The following MINDY2 variants were observed in gnomAD, a reference collection of about 807,000 sequenced individuals.
MINDY2 encodes ubiquitin carboxyl-terminal hydrolase MINDY-2.
MINDY2 carries 52 observed loss-of-function variants against 68.2 expected under a neutral mutation model. That is an observed-to-expected ratio of 0.76 (90% CI 0.61 to 0.96). The LOEUF is 0.96. Among genes scored for constraint, MINDY2 ranks in the 40% least tolerant of loss-of-function variants. The probability of loss-of-function intolerance (pLI) is 0.00; values close to 1 mark genes in which losing one functional copy is unlikely to be tolerated. For synonymous variants in MINDY2, 372 were observed against 303.0 expected (o/e 1.23, Z -2.36); for missense variants, 881 against 773.4 (o/e 1.14, Z -1.65).
In MINDY2 at chr15:58,804,167, G is replaced by T. The variant is rs1025119877; in HGVS notation, c.963+1790G>T. Among the ~76,000 whole-genome samples, 11 of 151,936 alleles carry T rather than the reference G, an allele frequency of 7.2e-5. No individual in the cohort carries two copies. In the East Asian group the frequency reaches 2.1e-3, roughly 29 times the overall value. On this transcript the variant is annotated intron_variant, in intron 3 of 8. Coordinates refer to ENST00000559228, the MANE Select transcript of MINDY2 (RefSeq NM_001040450.3). ...GAAAGGAAATCTGTAGCTAAAGCCA[G>T]ATTTGTATTCTAAGTGATTTAAATT...
chr15:58,820,265 A>AAAAC (rs533263549), intron 4 of MINDY2, among the ~76,000 whole-genome samples: 16 of 151,240 alleles, frequency 1.1e-4, no homozygotes, highest in South Asian at 6.3e-4. Flanking sequence ...ATTCCATCTC[A>AAAAC]AAACAAACAA....
At chr15:58,831,662 T>C (rs2031733221) in intron 5 of MINDY2, 112 bp from the exon 6 acceptor site, 1 of 877,324 alleles carries the variant, frequency 1.1e-6, no homozygotes, top group African/African-American at 1.7e-5. Context: ...GTAGGGAAAG[T>C]ATTATAATTA....
chr15:58,815,947 G>A (rs1464573264), intron 4 of MINDY2, among the ~76,000 whole-genome samples: 1 of 152,110 alleles, frequency 6.6e-6, no homozygotes, highest in African/African-American at 2.4e-5. Flanking sequence ...CAAAGTGCTG[G>A]GATTACAGGC....
rs199705219 is a variant in MINDY2 at position 58,851,819 on chromosome 15, A to C, written c.1591A>C (p.Ile531Leu). Residue 531 changes from isoleucine (I) to leucine (L), a missense_variant, in exon 8 of 9, where the codon ATC (isoleucine) becomes CTC (leucine). Physicochemically the swap from Ile to Leu is conservative, Grantham distance 5. Coordinates refer to ENST00000559228, the MANE Select transcript of MINDY2 (RefSeq NM_001040450.3). The stretch of plus-strand genomic sequence containing the variant: ...ACAACAAGAACAGCAGAGCCAAGAG[A>C]TCAATTGGGAACAAATCCCGGAAGG... ...SLQQEQQSQE[I>L]NWEQIPEGIS... 2.7e-4 allele frequency: 428 copies of C among 1,610,016 alleles called. 1 individual carries two copies. Among genetic ancestry groups the C allele is most frequent in the Non-Finnish European group, 3.3e-4 (394 of 1,178,998 alleles).
intron 5 of MINDY2, among the ~76,000 whole-genome samples, chr15:58,829,435 G>A (rs758397304): frequency 6.6e-6 from 1 of 152,006 alleles, no homozygotes; most frequent in Non-Finnish European, 1.5e-5. Flanking sequence ...GATGTCCTTG[G>A]GCAAGTCACT....
In MINDY2 at chr15:58,771,689, C is replaced by G. The variant is rs1340372857; in HGVS notation, c.294C>G (p.Ala98=). The change falls in exon 1 of 9, where the codon GCC becomes GCG. Residue 98 remains alanine (A), a synonymous_variant. Coordinates refer to ENST00000559228, the MANE Select transcript of MINDY2 (RefSeq NM_001040450.3). ...KDSGLESPAA[A]EAPLRGQYKV... ...GTGGTTTGGAGAGTCCTGCTGCCGC[C>G]GAGGCGCCTCTGAGAGGGCAGTACA... is the stretch of plus-strand genomic sequence containing the variant. The G allele has an allele frequency of 6.2e-7, 1 of 1,612,432 alleles. No homozygotes were observed. Among genetic ancestry groups the G allele is most frequent in the Non-Finnish European group, 8.5e-7 (1 of 1,179,846 alleles).
chr15:58,813,143 T>G (rs2030416448), intron 4 of MINDY2, among the ~76,000 whole-genome samples: 1 of 152,228 alleles, frequency 6.6e-6, no homozygotes, highest in African/African-American at 2.4e-5. Flanking sequence ...CTCCTGTTCA[T>G]TACTGAGTAG....
intron 6 of MINDY2, among the ~76,000 whole-genome samples, chr15:58,833,954 A>G (rs2031870874): frequency 6.6e-6 from 1 of 152,120 alleles, no homozygotes; most frequent in Non-Finnish European, 1.5e-5. Context: ...CATGGGGAGA[A>G]ACTTTGGACA....
intron 4 of MINDY2, among the ~76,000 whole-genome samples, chr15:58,814,768 G>A (rs1270180989): frequency 6.7e-6 from 1 of 148,430 alleles, no homozygotes; most frequent in Non-Finnish European, 1.5e-5. Flanking sequence ...TCAGATATAT[G>A]ACTTGGAAAT....
At chr15:58,803,335 A>G (rs1386310071) in intron 3 of MINDY2, among the ~76,000 whole-genome samples, 1 of 151,738 alleles carries the variant, frequency 6.6e-6, no homozygotes, top group Non-Finnish European at 1.5e-5. Context: ...GGGCATGGTG[A>G]TGCGCGCCTG....
At chr15:58,831,041 G>A (rs449243) in intron 5 of MINDY2, among the ~76,000 whole-genome samples, 27,713 of 124,222 alleles carry the variant, frequency 0.22, 3,510 homozygotes, top group East Asian at 0.4. Flanking sequence ...GTGTGTGTGT[G>A]TATATATATA....
At chr15:58,845,879 A>G (rs571365814) in intron 6 of MINDY2, among the ~76,000 whole-genome samples, 3 of 152,366 alleles carry the variant, frequency 2.0e-5, no homozygotes, top group African/African-American at 2.4e-5. Flanking sequence ...ACAGAATGAC[A>G]TCCTGTCAAA....
intron 6 of MINDY2, among the ~76,000 whole-genome samples, chr15:58,840,780 C>T (rs2032239669): frequency 6.7e-6 from 1 of 149,232 alleles, no homozygotes; most frequent in Non-Finnish European, 1.5e-5. Flanking sequence ...CCTCAGCCTC[C>T]CGAGTAGCTG....
chr15:58,847,593 C>T, intron 7 of MINDY2, 123 bp downstream of exon 7: 3 of 738,132 alleles, frequency 4.1e-6, no homozygotes, highest in Non-Finnish European at 6.3e-6. Context: ...ATTTTCCTGA[C>T]ACTTCCTGAA....
At chr15:58,849,978 G>C (rs1387245837) in intron 7 of MINDY2, among the ~76,000 whole-genome samples, 1 of 152,036 alleles carries the variant, frequency 6.6e-6, no homozygotes, top group Non-Finnish European at 1.5e-5. Flanking sequence ...CTCAAGTGAT[G>C]TGCCCGCCTT....
intron 8 of MINDY2, among the ~76,000 whole-genome samples, chr15:58,852,633 A>C (rs957867848): frequency 6.6e-6 from 1 of 152,086 alleles, no homozygotes; most frequent in Non-Finnish European, 1.5e-5. Flanking sequence ...TCTAGTTGCA[A>C]CCTCTTGGAT....
chr15:58,790,548 A>G (rs888743751), intron 2 of MINDY2, among the ~76,000 whole-genome samples: 5 of 151,840 alleles, frequency 3.3e-5, no homozygotes, highest in African/African-American at 1.2e-4. Context: ...TTTGGATTTA[A>G]TAAGAATTCT....
chr15:58,783,598 T>G (rs1237052156), intron 1 of MINDY2, among the ~76,000 whole-genome samples: 5 of 152,194 alleles, frequency 3.3e-5, no homozygotes, highest in African/African-American at 1.2e-4. Flanking sequence ...TGGTCTTGCT[T>G]GAGTCTATTC....
intron 2 of MINDY2, among the ~76,000 whole-genome samples, chr15:58,796,637 C>A (rs1057137965): frequency 1.3e-5 from 2 of 152,198 alleles, no homozygotes; most frequent in Non-Finnish European, 2.9e-5. Context: ...AATTCTCTTG[C>A]CTCAGCCTCC....
Sources: gnomAD v4.1 joint callset for allele counts (sites outside exome capture counted in the v4.1 genomes callset) on GRCh38, gnomAD v4.1.1 for gene constraint, MANE v1.5 for transcripts, NCBI Gene and HGNC (gene_info 2026-07-23, HGNC 2026-07-21) for gene names.